Variants in SNTG1 observed in about 807,000 individuals in gnomAD.
The protein encoded by SNTG1 is syntrophin gamma 1.
A neutral mutation model predicts 74.7 loss-of-function variants in SNTG1; 39 were observed. The observed-to-expected ratio is 0.52, with a 90% confidence interval of 0.40 to 0.68. The LOEUF (loss-of-function observed/expected upper bound fraction) is 0.68. Among genes scored for constraint, SNTG1 ranks in the 30% least tolerant of loss-of-function variants. The pLI, the probability that SNTG1 is intolerant of heterozygous loss-of-function variation, is 0.00. For synonymous variants in SNTG1, 254 were observed against 217.1 expected (o/e 1.17, Z -1.49); for missense variants, 685 against 609.5 (o/e 1.12, Z -1.30).
intron 1 of SNTG1, among the ~76,000 whole-genome samples, chr8:49,917,198 G>C (rs766089244): frequency 6.6e-6 from 1 of 152,170 alleles, no homozygotes; most frequent in South Asian, 2.1e-4. Flanking sequence ...TGGTTGTGTG[G>C]ACTTGGGTAA....
At chr8:50,045,185 T>C (rs1442450117) in intron 1 of SNTG1, among the ~76,000 whole-genome samples, 3 of 152,194 alleles carry the variant, frequency 2.0e-5, no homozygotes, top group African/African-American at 7.2e-5. Flanking sequence ...AGGCTGTTCT[T>C]TGCCTTACTA....
At chr8:50,063,811 A>G (rs1037810702) in intron 1 of SNTG1, among the ~76,000 whole-genome samples, 1 of 152,340 alleles carries the variant, frequency 6.6e-6, no homozygotes, top group East Asian at 1.9e-4. Flanking sequence ...AAGTAAAGGT[A>G]AACTTAACTG....
At chr8:50,461,181 G>GTGTT (rs2093558439) in intron 8 of SNTG1, among the ~76,000 whole-genome samples, 1 of 150,870 alleles carries the variant, frequency 6.6e-6, no homozygotes, top group Admixed American at 6.6e-5. Context: ...GTGTGTGTGT[G>GTGTT]TGTGTGTGTG....
chr8:50,450,435 C>A, intron 6 of SNTG1, 121 bp from the exon 7 acceptor site: 1 of 1,001,148 alleles, frequency 1.0e-6, no homozygotes, highest in Non-Finnish European at 1.5e-6. Flanking sequence ...TTTTAAGATG[C>A]TAACCATATA....
chr8:50,352,184 C>T (rs1038597434), intron 2 of SNTG1, among the ~76,000 whole-genome samples: 2 of 151,938 alleles, frequency 1.3e-5, no homozygotes, highest in African/African-American at 2.4e-5. Flanking sequence ...GTAGACCTAC[C>T]GAAATTAACT....
At chr8:50,383,682 T>C (rs1232061170) in intron 2 of SNTG1, among the ~76,000 whole-genome samples, 1 of 152,170 alleles carries the variant, frequency 6.6e-6, no homozygotes, top group African/African-American at 2.4e-5. Context: ...TCCTGAAGTG[T>C]CTGGGCCATT....
intron 2 of SNTG1, among the ~76,000 whole-genome samples, chr8:50,392,043 G>C (rs968845572): frequency 6.6e-6 from 1 of 152,086 alleles, no homozygotes; most frequent in African/African-American, 2.4e-5. Flanking sequence ...GACGTGCCTT[G>C]GAAGCAATCC....
At position 50,555,104 on chromosome 8, in the gene SNTG1, C is replaced by T. The variant is rs191785781; in HGVS notation, c.810+1925C>T. Among the ~76,000 whole-genome samples, 227 of 152,256 alleles carry T rather than the reference C, an allele frequency of 1.5e-3. 1 individual carries two copies. Among genetic ancestry groups the T allele is most frequent in the African/African-American group, 5.3e-3 (219 of 41,548 alleles). ...CAGTGAAGATGCAAATGTCTCTACC[C>T]TCTGTAAGCCTAAGGAGGGACAAGC... On this transcript the variant is annotated intron_variant, in intron 12 of 18. Transcript: ENST00000642720.
At chr8:50,684,763 T>A (rs1409833105) in intron 15 of SNTG1, among the ~76,000 whole-genome samples, 2 of 150,950 alleles carry the variant, frequency 1.3e-5, no homozygotes, top group Non-Finnish European at 3.0e-5. Context: ...ATACTTTATC[T>A]TTTAGGGTAC....
At chr8:50,635,340 G>A (rs1426108786) in intron 13 of SNTG1, among the ~76,000 whole-genome samples, 1 of 152,112 alleles carries the variant, frequency 6.6e-6, no homozygotes, top group Non-Finnish European at 1.5e-5. Context: ...ATCAGTAGGT[G>A]GTGAGGTCAG....
chr8:50,468,968 A>G (rs2093630595), intron 8 of SNTG1, among the ~76,000 whole-genome samples: 1 of 152,146 alleles, frequency 6.6e-6, no homozygotes, highest in African/African-American at 2.4e-5. Flanking sequence ...TTACTTATCC[A>G]TAATCTTTAA....
intron 9 of SNTG1, among the ~76,000 whole-genome samples, chr8:50,518,661 A>T (rs1459506131): frequency 4.6e-5 from 7 of 152,224 alleles, no homozygotes; most frequent in Non-Finnish European, 7.3e-5. Flanking sequence ...CTACTATCAG[A>T]GAATACTATA....
intron 2 of SNTG1, among the ~76,000 whole-genome samples, chr8:50,176,735 G>T (rs1239951378): frequency 2.0e-5 from 3 of 152,182 alleles, no homozygotes; most frequent in African/African-American, 7.2e-5. Flanking sequence ...CAGAAAAATT[G>T]ATCAACTGAA....
In SNTG1 at chr8:50,780,988, T is replaced by A. The variant is rs1200918875; in HGVS notation, c.1396-11683T>A. On this transcript the variant is annotated intron_variant, in intron 18 of 18. Coordinates refer to ENST00000642720, the MANE Select transcript of SNTG1 (RefSeq NM_018967.5). ...CGAGTAGTCATTCAGGAGCAGGTTG[T>A]TCAGTCTCCATGTAGTTGAGCGGTT... Among the ~76,000 whole-genome samples, 5 of 152,210 alleles carry A rather than the reference T, an allele frequency of 3.3e-5. No homozygotes were observed. In the East Asian group the frequency reaches 7.7e-4, roughly 23 times the overall value.
At chr8:50,388,968 G>A (rs1364583211) in intron 2 of SNTG1, among the ~76,000 whole-genome samples, 1 of 152,144 alleles carries the variant, frequency 6.6e-6, no homozygotes, top group African/African-American at 2.4e-5. Flanking sequence ...TGTAAGGGTG[G>A]TTGGGATGAA....
intron 1 of SNTG1, among the ~76,000 whole-genome samples, chr8:50,022,759 T>G (rs1816937583): frequency 6.6e-6 from 1 of 152,176 alleles, no homozygotes; most frequent in Non-Finnish European, 1.5e-5. Flanking sequence ...CCATGTTGCC[T>G]CTGTTCCCAC....
chr8:50,756,245 T>C (rs568936352), intron 18 of SNTG1, among the ~76,000 whole-genome samples: 22 of 151,966 alleles, frequency 1.4e-4, no homozygotes, highest in African/African-American at 4.6e-4. Context: ...GAGCAGAAAA[T>C]TTTAATTTTA....
chr8:50,624,186 A>T (rs2094941759), intron 13 of SNTG1, among the ~76,000 whole-genome samples: 1 of 152,042 alleles, frequency 6.6e-6, no homozygotes, highest in Non-Finnish European at 1.5e-5. Context: ...CTCCTAAAGA[A>T]ATATAAAAAA....
chr8:50,381,682 G>T (rs2092485991), intron 2 of SNTG1, among the ~76,000 whole-genome samples: 7 of 59,392 alleles, frequency 1.2e-4, no homozygotes, highest in African/African-American at 1.8e-4. Context: ...ATATATATAG[G>T]ATATATATAT....
Sources: gnomAD v4.1 joint callset for allele counts (sites outside exome capture counted in the v4.1 genomes callset) on GRCh38, gnomAD v4.1.1 for gene constraint, MANE v1.5 for transcripts, NCBI Gene and HGNC (gene_info 2026-07-23, HGNC 2026-07-21) for gene names.